COLEC12: variants seen among roughly 807,000 people sequenced by gnomAD.
COLEC12 encodes the protein collectin-12.
COLEC12 carries 33 observed loss-of-function variants against 71.1 expected under a neutral mutation model. The ratio of observed to expected loss-of-function variants is 0.46; its 90% CI spans 0.35 to 0.62. COLEC12 has a LOEUF of 0.62. Ranked by LOEUF, COLEC12 falls within the 20% of genes least tolerant of loss-of-function variation. COLEC12 has a pLI of 0.00. For missense variants in COLEC12, 765 were observed against 916.1 expected (o/e 0.84, Z 2.13); for synonymous variants, 350 against 353.0 (o/e 0.99, Z 0.10).
At chr18:483,530 T>C (rs1917464415) in intron 1 of COLEC12, among the ~76,000 whole-genome samples, 1 of 152,188 alleles carries the variant, frequency 6.6e-6, no homozygotes, top group Non-Finnish European at 1.5e-5. Flanking sequence ...GTTTGGAATC[T>C]AGAAGGCCAG....
At chr18:484,225 C>T (rs1917478588) in intron 1 of COLEC12, among the ~76,000 whole-genome samples, 1 of 152,156 alleles carries the variant, frequency 6.6e-6, no homozygotes, top group Admixed American at 6.5e-5. Context: ...CCTGAAATTT[C>T]CCTGGGAACT....
chr18:450,599 T>C (rs1354870746), intron 2 of COLEC12, among the ~76,000 whole-genome samples: 1 of 152,206 alleles, frequency 6.6e-6, no homozygotes, highest in Non-Finnish European at 1.5e-5. Context: ...ACCTCTTTTC[T>C]TTATAAATTA....
At chr18:406,515 CAAAAAAAAAAAA>C (rs34263909) in intron 2 of COLEC12, among the ~76,000 whole-genome samples, 1 of 90,450 alleles carries the variant, frequency 1.1e-5, no homozygotes, top group African/African-American at 4.9e-5. Flanking sequence ...GACTCCGTCT[CAAAAAAAAAAAA>C]AAAAAAAAAA....
intron 2 of COLEC12, among the ~76,000 whole-genome samples, chr18:452,435 C>T (rs1196586853): frequency 6.6e-6 from 1 of 152,216 alleles, no homozygotes; most frequent in African/African-American, 2.4e-5. Flanking sequence ...TAAGCTCTCA[C>T]TAAATGGTGG....
At chr18:334,491 G>C in intron 6 of COLEC12, 1 of 321,376 alleles carries the variant, frequency 3.1e-6, no homozygotes, top group Non-Finnish European at 5.6e-6. Context: ...AGCTGGCTGT[G>C]GGGGCACACG....
chr18:331,779 T>A lies in COLEC12; in HGVS notation c.1954-2A>T. 6.3e-7 allele frequency: 1 copy of A among 1,598,158 alleles called. No individual in the cohort carries two copies. Among genetic ancestry groups the A allele is most frequent in the Non-Finnish European group, 8.6e-7 (1 of 1,165,328 alleles). ...TACCATCTGTTTTTTTATCCATTGC[T>A]GAAAAACAAAGCAGGGGTGGTGCGT... On this transcript the variant is annotated splice_acceptor_variant, in intron 7 of 9. Coordinates refer to ENST00000400256, the MANE Select transcript of COLEC12 (RefSeq NM_130386.3). LOFTEE classifies it high-confidence loss of function.
chr18:384,328 G>A (rs905159127), intron 2 of COLEC12, among the ~76,000 whole-genome samples: 3 of 152,098 alleles, frequency 2.0e-5, no homozygotes, highest in East Asian at 1.9e-4. Context: ...CCCATTCCGG[G>A]CCACTAACTT....
At position 347,193 on chromosome 18, in the gene COLEC12, C is replaced by T. The variant is rs752132137; in HGVS notation, c.429G>A (p.Gly143=). ...GACTCTGCCTGTCCACCAGAGCATCCCCGCTCGCCTGTAACTTCTCCAGCG... is the reference window on the plus strand; with the variant it reads ...GACTCTGCCTGTCCACCAGAGCATCTCCGCTCGCCTGTAACTTCTCCAGCG... ...KDTLEKLQAS[G]DALVDRQSQL... Residue 143 remains glycine (G), a synonymous_variant, in exon 5 of 10, where the codon GGG becomes GGA. Transcript: ENST00000400256. 20 of 1,614,120 alleles carry T rather than the reference C, an allele frequency of 1.2e-5. No homozygotes were observed. The East Asian group carries it at 4.2e-4, about 34-fold the overall frequency.
At chr18:433,647 T>C (rs938366170) in intron 2 of COLEC12, among the ~76,000 whole-genome samples, 29 of 151,996 alleles carry the variant, frequency 1.9e-4, no homozygotes, top group Non-Finnish European at 3.4e-4. Flanking sequence ...GATCATCGCA[T>C]CCTGAATCCA....
At chr18:332,857 G>T in intron 7 of COLEC12, 150 bp downstream of exon 7, 1 of 640,738 alleles carries the variant, frequency 1.6e-6, no homozygotes, top group Non-Finnish European at 2.6e-6. Flanking sequence ...TCTAGCCACT[G>T]GATGAAACCC....
intron 5 of COLEC12, among the ~76,000 whole-genome samples, chr18:343,969 A>T (rs1438341174): frequency 6.6e-6 from 1 of 152,236 alleles, no homozygotes; most frequent in African/African-American, 2.4e-5. Context: ...TCACCTTCAA[A>T]TACTAGCTTT....
At position 385,813 on chromosome 18, in the gene COLEC12, G is replaced by A. The variant is rs116183830; in HGVS notation, c.59-28291C>T. Reference sequence around the variant, plus strand: ...AAAGTACATACATGGAAGAAAGGATGGAAATACCACAGAAAATTAGTAAAA... The same window carrying A: ...AAAGTACATACATGGAAGAAAGGATAGAAATACCACAGAAAATTAGTAAAA... On this transcript the variant is annotated intron_variant, in intron 2 of 9. Transcript: ENST00000400256. 1.4e-3 allele frequency among the ~76,000 whole-genome samples: 207 copies of A among 152,230 alleles called. 1 individual carries two copies. The highest frequency in any genetic ancestry group is 4.7e-3 in the African/African-American group (197 of 41,522).
At chr18:487,058 G>C (rs917054845) in intron 1 of COLEC12, among the ~76,000 whole-genome samples, 1 of 152,192 alleles carries the variant, frequency 6.6e-6, no homozygotes, top group Non-Finnish European at 1.5e-5. Context: ...CAAAAAAAGG[G>C]GGGGAGACAA....
At chr18:326,925 T>C (rs141585097) in intron 8 of COLEC12, among the ~76,000 whole-genome samples, 1 of 152,338 alleles carries the variant, frequency 6.6e-6, no homozygotes, top group African/African-American at 2.4e-5. Context: ...TTCTATTGAC[T>C]GTGACATGGC....
intron 2 of COLEC12, among the ~76,000 whole-genome samples, chr18:359,872 T>C (rs1324374116): frequency 2.0e-5 from 3 of 152,238 alleles, no homozygotes; most frequent in Non-Finnish European, 2.9e-5. Context: ...CTCCTTTGGT[T>C]TGTAATTTTA....
intron 2 of COLEC12, among the ~76,000 whole-genome samples, chr18:437,444 T>A (rs1916428746): frequency 6.6e-6 from 1 of 152,296 alleles, no homozygotes; most frequent in South Asian, 2.1e-4. Context: ...AAAATGGATT[T>A]TTTTTTTCAA....
At chr18:482,679 T>C (rs1330470572) in intron 1 of COLEC12, among the ~76,000 whole-genome samples, 3 of 151,980 alleles carry the variant, frequency 2.0e-5, no homozygotes, top group Non-Finnish European at 2.9e-5. Context: ...TGGTGTGATC[T>C]TGGCTCACTG....
intron 2 of COLEC12, among the ~76,000 whole-genome samples, chr18:365,751 C>CTTGA (rs1032410246): frequency 2.0e-5 from 3 of 152,150 alleles, no homozygotes; most frequent in Non-Finnish European, 4.4e-5. Context: ...CCAATACCTC[C>CTTGA]TTGACCCTGT....
intron 2 of COLEC12, among the ~76,000 whole-genome samples, chr18:459,353 CTG>C (rs1358293047): frequency 6.6e-6 from 1 of 152,190 alleles, no homozygotes; most frequent in Non-Finnish European, 1.5e-5. Context: ...AGGTCATTTG[CTG>C]TGTCTTCTTT....
Sources: allele counts gnomAD v4.1 joint callset (sites outside exome capture counted in the v4.1 genomes callset), GRCh38; gene constraint gnomAD v4.1.1; transcripts MANE v1.5; gene names NCBI Gene and HGNC (gene_info 2026-07-23, HGNC 2026-07-21).